Variants in EPAS1 observed in about 807,000 individuals in gnomAD.
EPAS1 encodes endothelial PAS domain protein 1.
A neutral mutation model predicts 87.9 loss-of-function variants in EPAS1; 23 were observed. That is an observed-to-expected ratio of 0.26 (90% confidence interval 0.19 to 0.37). EPAS1 has a LOEUF of 0.37. Ranked by LOEUF, EPAS1 falls within the 10% of genes least tolerant of loss-of-function variation. The pLI is 1.00. For missense variants in EPAS1, 1,138 were observed against 1,120.7 expected, an observed-to-expected ratio of 1.02 and a Z score of -0.22; for synonymous variants, 508 against 444.3, an observed-to-expected ratio of 1.14 and a Z score of -1.80.
Position 46,382,578 on chromosome 2 carries a change from C to A in EPAS1, c.2441C>A (p.Ser814Ter). 6.2e-7 allele frequency: 1 copy of A among 1,614,146 alleles called. No homozygotes were observed. The part of the protein sequence containing the change: ...YATQYQDYSL[S>*]SAHKVSGMAS... ...ACCCAGTACCAGGACTACAGCCTGTCGTCAGCCCACAAGGTGTCAGGTGGG... is the reference window on the plus strand; with the variant it reads ...ACCCAGTACCAGGACTACAGCCTGTAGTCAGCCCACAAGGTGTCAGGTGGG... Residue 814 changes from serine to a stop codon, truncating the protein, a stop_gained, in exon 15 of 16, where the codon TCG (serine) becomes TAG (stop). Transcript: ENST00000263734. LOFTEE classifies it high-confidence loss of function.
At position 46,355,170 on chromosome 2, in the gene EPAS1, A is replaced by G. The variant is rs138594031; in HGVS notation, c.218-981A>G. Among the ~76,000 whole-genome samples the G allele has an allele frequency of 2.0e-4, 30 of 152,330 alleles. No individual in the cohort carries two copies. In the East Asian group the frequency reaches 5.6e-3, roughly 28 times the overall value. ...ATATTCCTCACCTGGGATCTGAGCA[A>G]TTTGAGGGTAGTGCATGTCTTGGAG... On this transcript the variant is annotated intron_variant, in intron 2 of 15. Transcript: ENST00000263734.
At chr2:46,356,127 T>TGGGGGGG in intron 2 of EPAS1, 24 bp from the exon 3 acceptor site, 186 of 1,394,948 alleles carry the variant, frequency 1.3e-4, no homozygotes, top group Middle Eastern at 2.1e-4. Flanking sequence ...TCATGCAAGC[T>TGGGGGGG]GTCCCACCCC....
intron 1 of EPAS1, among the ~76,000 whole-genome samples, chr2:46,328,452 G>A (rs1683607984): frequency 6.6e-6 from 1 of 152,196 alleles, no homozygotes; most frequent in Non-Finnish European, 1.5e-5. Context: ...GTGCAAGCTT[G>A]AACTCCCTGG....
rs1684754928 is a variant in EPAS1 at position 46,376,646 on chromosome 2, C to T, written c.1142C>T (p.Ala381Val). 1 of 1,614,174 alleles carries T rather than the reference C, an allele frequency of 6.2e-7. No homozygotes were observed. The highest frequency in any genetic ancestry group is 8.5e-7 in the Non-Finnish European group (1 of 1,180,040). Reference sequence around the variant, plus strand: ...ATCTTTGATAGCAGTGGCAAGGGGGCTGTGTCTGAGAAGAGTAACTTCCTA... The same window carrying T: ...ATCTTTGATAGCAGTGGCAAGGGGGTTGTGTCTGAGAAGAGTAACTTCCTA... ...NSIFDSSGKG[A>V]VSEKSNFLFT... Residue 381 changes from alanine (A) to valine (V), a missense_variant, in exon 9 of 16, where the codon GCT (alanine) becomes GTT (valine). This residue lies in a region of EPAS1 where 284 missense variants were observed against 258.4 expected (regional missense o/e 1.10). Coordinates refer to ENST00000263734, the MANE Select transcript of EPAS1 (RefSeq NM_001430.5).
intron 1 of EPAS1, among the ~76,000 whole-genome samples, chr2:46,301,730 A>T (rs574835503): frequency 6.6e-6 from 1 of 152,236 alleles, no homozygotes; most frequent in South Asian, 2.1e-4. Context: ...CACAACTCTC[A>T]AACCGCTGAA....
chr2:46,341,913 C>G (rs994239144), intron 1 of EPAS1, among the ~76,000 whole-genome samples: 3 of 152,200 alleles, frequency 2.0e-5, no homozygotes, highest in Non-Finnish European at 1.5e-5. Context: ...TCATCCTACT[C>G]TTTGAGAAAG....
chr2:46,360,064 A>G lies in EPAS1; in HGVS notation c.455-574A>G, dbSNP rs1684356996. On this transcript the variant is annotated intron_variant, in intron 4 of 15. Coordinates refer to ENST00000263734, the MANE Select transcript of EPAS1 (RefSeq NM_001430.5). The surrounding 1 kb of genome is among the most constrained non-coding windows in gnomAD (Gnocchi z 4.5). ...AGAGTTCTCTCTAGAGCCTTGATAC[A>G]TATGTCACTTCAGGGACAAAGCTAA... Among the ~76,000 whole-genome samples the G allele has an allele frequency of 6.6e-6, 1 of 152,224 alleles. No homozygotes were observed. The highest frequency in any genetic ancestry group is 6.5e-5 in the Admixed American group (1 of 15,286).
chr2:46,333,619 G>C (rs1433634214), intron 1 of EPAS1, among the ~76,000 whole-genome samples: 2 of 152,136 alleles, frequency 1.3e-5, no homozygotes. Flanking sequence ...GCATAGTGTG[G>C]TCTGGCTGGA....
rs1684049468 is a variant in EPAS1, at chr2:46,347,224, C to T, written c.217+161C>T. The T allele has an allele frequency of 3.8e-6, 3 of 781,186 alleles. No homozygotes were observed. The highest frequency in any genetic ancestry group is 4.3e-6 in the Non-Finnish European group (2 of 466,076). The allele number at this position is 781,186 out of a possible 1,614,324, so 48.4% of individuals were successfully genotyped here. On this transcript the variant is annotated intron_variant, in intron 2 of 15. Coordinates refer to ENST00000263734, the MANE Select transcript of EPAS1 (RefSeq NM_001430.5). The surrounding 1 kb of genome is among the most constrained non-coding windows in gnomAD (Gnocchi z 4.2). ...GAGTGATTTATTCCTTCATGTTAAACATCTCTCTTCCAGCAGTGACCTTTA... is the reference window on the plus strand; with the variant it reads ...GAGTGATTTATTCCTTCATGTTAAATATCTCTCTTCCAGCAGTGACCTTTA...
chr2:46,315,338 G>T (rs1683291644), intron 1 of EPAS1, among the ~76,000 whole-genome samples: 1 of 152,192 alleles, frequency 6.6e-6, no homozygotes, highest in Non-Finnish European at 1.5e-5. Context: ...TACAGAGGGG[G>T]CGGGGGTGCA....
chr2:46,374,451 A>C (rs1450245253), intron 7 of EPAS1, among the ~76,000 whole-genome samples: 3 of 152,228 alleles, frequency 2.0e-5, no homozygotes, highest in African/African-American at 7.2e-5. Flanking sequence ...TATGTACCTG[A>C]TAAGCCATGT....
In EPAS1 at chr2:46,316,172, G is replaced by A. The variant is rs149787449; in HGVS notation, c.26+18235G>A. On this transcript the variant is annotated intron_variant, in intron 1 of 15. Coordinates refer to ENST00000263734, the MANE Select transcript of EPAS1 (RefSeq NM_001430.5). ...AGTAAAGTGAATATCACAATAAAAC[G>A]AGTCACATGATTTTTTTTTGTTTCC... Among the ~76,000 whole-genome samples, 145 of 150,610 alleles carry A rather than the reference G, an allele frequency of 9.6e-4. 1 individual carries two copies. Among genetic ancestry groups the A allele is most frequent in the African/African-American group, 3.3e-3 (134 of 40,098 alleles).
chr2:46,350,800 G>C (rs542274308), intron 2 of EPAS1, among the ~76,000 whole-genome samples: 1 of 152,318 alleles, frequency 6.6e-6, no homozygotes, highest in Non-Finnish European at 1.5e-5. Flanking sequence ...GGAGATCAGC[G>C]TGAAGCAAGG....
chr2:46,360,169 T>A lies in EPAS1; in HGVS notation c.455-469T>A. ...GTTAAATTCCTCCTGAGAGACAGGTTATAAAGGAAAGACGGGAGTGTCGGA... is the reference window on the plus strand; with the variant it reads ...GTTAAATTCCTCCTGAGAGACAGGTAATAAAGGAAAGACGGGAGTGTCGGA... On this transcript the variant is annotated intron_variant, in intron 4 of 15. Coordinates refer to ENST00000263734, the MANE Select transcript of EPAS1 (RefSeq NM_001430.5). This position sits in a 1 kb window ranked among gnomAD's most constrained non-coding sequence, Gnocchi z 4.5. Among the ~76,000 whole-genome samples, 1 of 152,196 alleles carries A rather than the reference T, an allele frequency of 6.6e-6. No individual in the cohort carries two copies. Among genetic ancestry groups the A allele is most frequent in the Non-Finnish European group, 1.5e-5 (1 of 68,028 alleles).
At chr2:46,317,548 A>G (rs183276719) in intron 1 of EPAS1, among the ~76,000 whole-genome samples, 184 of 152,346 alleles carry the variant, frequency 1.2e-3, no homozygotes, top group Non-Finnish European at 2.2e-3. Flanking sequence ...TAGATTTGGC[A>G]TAATTTTTAA....
At chr2:46,348,268 C>CT (rs1482530819) in intron 2 of EPAS1, among the ~76,000 whole-genome samples, 4 of 152,142 alleles carry the variant, frequency 2.6e-5, no homozygotes, top group African/African-American at 9.7e-5. Context: ...TCCATAAATA[C>CT]TTTCAAAGAA....
Position 46,347,326 on chromosome 2 carries a change from C to G in EPAS1, c.217+263C>G. ...GGGCACCCAGAGGCTGTGGAGAACACGGGCTGGGAGAACCAAGGACGGCTT... is the reference window on the plus strand; with the variant it reads ...GGGCACCCAGAGGCTGTGGAGAACAGGGGCTGGGAGAACCAAGGACGGCTT... On this transcript the variant is annotated intron_variant, in intron 2 of 15. Coordinates refer to ENST00000263734, the MANE Select transcript of EPAS1 (RefSeq NM_001430.5). This position sits in a 1 kb window ranked among gnomAD's most constrained non-coding sequence, Gnocchi z 4.2. 1 of 547,460 alleles carries G rather than the reference C, an allele frequency of 1.8e-6. No individual in the cohort carries two copies. The highest frequency in any genetic ancestry group is 2.0e-5 in the South Asian group (1 of 49,392). 33.9% of individuals were successfully genotyped at this position (547,460 alleles called of 1,614,324 possible).
At chr2:46,362,127 T>C (rs1684406221) in intron 6 of EPAS1, among the ~76,000 whole-genome samples, 1 of 152,208 alleles carries the variant, frequency 6.6e-6, no homozygotes, top group Non-Finnish European at 1.5e-5. Flanking sequence ...TTCTGCAGCA[T>C]CTAGAGCCGC....
rs146376480 is a variant in EPAS1, at chr2:46,375,627, T to C, written c.887-63T>C. On this transcript the variant is annotated intron_variant, in intron 7 of 15. Coordinates refer to ENST00000263734, the MANE Select transcript of EPAS1 (RefSeq NM_001430.5). The surrounding 1 kb of genome is among the most constrained non-coding windows in gnomAD (Gnocchi z 4.1). ...TAGACTGCCCTCCCATGCGATCTGC[T>C]GAGCCTGTGGTGCACACCCCTGCCC... 1,542 of 1,579,226 alleles carry C rather than the reference T, an allele frequency of 9.8e-4. 11 individuals carry two copies. The African/African-American group carries it at 0.018, about 19-fold the overall frequency.
Sources: gnomAD v4.1 joint callset for allele counts (sites outside exome capture counted in the v4.1 genomes callset) on GRCh38, gnomAD v4.1.1 for gene constraint, gnomAD v4.1.1 regional missense constraint, Gnocchi (gnomAD v3.1) non-coding constraint, MANE v1.5 for transcripts, NCBI Gene and HGNC (gene_info 2026-07-23, HGNC 2026-07-21) for gene names.